CDKAL1: variants seen among roughly 807,000 people sequenced by gnomAD.
The protein encoded by CDKAL1 is threonylcarbamoyladenosine tRNA methylthiotransferase.
A neutral mutation model predicts 68.2 loss-of-function variants in CDKAL1; 32 were observed. The observed-to-expected ratio is 0.47, with a 90% CI of 0.35 to 0.63. The LOEUF (loss-of-function observed/expected upper bound fraction) is 0.63. Ranked by LOEUF, CDKAL1 falls within the 30% of genes least tolerant of loss-of-function variation. The probability of loss-of-function intolerance (pLI) is 0.00; values close to 1 mark genes in which losing one functional copy is unlikely to be tolerated. For missense variants in CDKAL1, 606 were observed against 696.7 expected, an observed-to-expected ratio of 0.87 and a Z score of 1.47; for synonymous variants, 234 against 244.3, an observed-to-expected ratio of 0.96 and a Z score of 0.39.
At chr6:20,728,354 C>T (rs1014682575) in intron 5 of CDKAL1, among the ~76,000 whole-genome samples, 2 of 152,056 alleles carry the variant, frequency 1.3e-5, no homozygotes, top group South Asian at 2.1e-4. Context: ...TGATTTTCAT[C>T]GTTTACTCCA....
chr6:20,541,269 C>A (rs573853387), intron 2 of CDKAL1, among the ~76,000 whole-genome samples: 6 of 152,302 alleles, frequency 3.9e-5, no homozygotes, highest in African/African-American at 9.6e-5. Context: ...CCACCTCAAA[C>A]TGATTTAAGC....
intron 8 of CDKAL1, among the ~76,000 whole-genome samples, chr6:20,843,826 G>A (rs1248009624): frequency 6.6e-6 from 1 of 152,158 alleles, no homozygotes; most frequent in Non-Finnish European, 1.5e-5. Flanking sequence ...ACAAATAAGG[G>A]AAAGGGATCA....
chr6:20,736,508 C>A (rs567447169), intron 5 of CDKAL1, among the ~76,000 whole-genome samples: 1 of 152,158 alleles, frequency 6.6e-6, no homozygotes, highest in East Asian at 1.9e-4. Context: ...CGGTGGCTCA[C>A]GCCTGTAATC....
In CDKAL1 at chr6:20,676,665, TTAAATAAATAAATAAA is replaced by T. The variant is rs146546357; in HGVS notation, c.371+27313_371+27328del. 6.4e-3 allele frequency among the ~76,000 whole-genome samples: 857 copies of T among 132,892 alleles called. 9 individuals carry two copies. Among genetic ancestry groups the T allele is most frequent in the African/African-American group, 0.026 (806 of 30,596 alleles). The allele number at this position is 132,892 out of a possible 152,430, so 87.2% of individuals were successfully genotyped here. Reference sequence around the variant, plus strand: ...CTGGGTGACAGAGCGAGACTCTGTCTTAAATAAATAAATAAATAAATAAATAAATAAATAAATAAAA... The same window carrying T: ...CTGGGTGACAGAGCGAGACTCTGTCTTAAATAAATAAATAAATAAATAAAA... On this transcript the variant is annotated intron_variant, in intron 5 of 15. Transcript: ENST00000274695.
intron 5 of CDKAL1, among the ~76,000 whole-genome samples, chr6:20,738,650 C>T (rs1462547084): frequency 2.0e-5 from 3 of 152,012 alleles, no homozygotes; most frequent in African/African-American, 7.3e-5. Flanking sequence ...AGACACGCCC[C>T]ACCATGCCTG....
chr6:20,764,458 C>A (rs552210985), intron 7 of CDKAL1, among the ~76,000 whole-genome samples: 102 of 152,314 alleles, frequency 6.7e-4, no homozygotes, highest in African/African-American at 2.4e-3. Flanking sequence ...TTGGTGCCAT[C>A]TTGCACTAGA....
intron 9 of CDKAL1, among the ~76,000 whole-genome samples, chr6:20,878,515 G>A (rs1338321026): frequency 6.6e-6 from 1 of 152,044 alleles, no homozygotes; most frequent in Non-Finnish European, 1.5e-5. Context: ...GGAGGCCGGC[G>A]GATCACTTGA....
intron 11 of CDKAL1, among the ~76,000 whole-genome samples, chr6:21,013,329 C>G (rs899155122): frequency 2.0e-5 from 3 of 151,976 alleles, no homozygotes; most frequent in Non-Finnish European, 4.4e-5. Context: ...TCTTTCTCTT[C>G]TCTTTTCAAG....
intron 8 of CDKAL1, among the ~76,000 whole-genome samples, chr6:20,830,205 C>A (rs940128512): frequency 2.0e-5 from 3 of 152,138 alleles, no homozygotes; most frequent in Non-Finnish European, 2.9e-5. Flanking sequence ...ATGATCATAG[C>A]TGAGCCTTTT....
At chr6:21,047,511 A>G (rs748163353) in intron 11 of CDKAL1, among the ~76,000 whole-genome samples, 2 of 152,156 alleles carry the variant, frequency 1.3e-5, no homozygotes, top group Non-Finnish European at 2.9e-5. Context: ...TATTAAATTC[A>G]TGTATTCGTC....
At chr6:21,089,611 A>G (rs1772891966) in intron 12 of CDKAL1, among the ~76,000 whole-genome samples, 3 of 152,232 alleles carry the variant, frequency 2.0e-5, no homozygotes, top group Admixed American at 6.5e-5. Context: ...GTGAGTAAGG[A>G]GTAGCCTTGT....
intron 10 of CDKAL1, among the ~76,000 whole-genome samples, chr6:20,986,670 G>C (rs1766477200): frequency 6.6e-6 from 1 of 151,222 alleles, no homozygotes; most frequent in South Asian, 2.1e-4. Flanking sequence ...AAAGTAAATA[G>C]AGAATCATTA....
intron 11 of CDKAL1, among the ~76,000 whole-genome samples, chr6:21,017,714 T>C (rs2150854084): frequency 6.6e-6 from 1 of 152,316 alleles, no homozygotes; most frequent in Non-Finnish European, 1.5e-5. Flanking sequence ...ATTTCATTGT[T>C]ATTATTATTA....
chr6:20,821,345 TA>T (rs1331267772), intron 8 of CDKAL1, among the ~76,000 whole-genome samples: 2 of 152,062 alleles, frequency 1.3e-5, no homozygotes, highest in Non-Finnish European at 2.9e-5. Context: ...AACAGCATCC[TA>T]GGGTAAGCCC....
chr6:20,583,214 G>A (rs746389482), intron 4 of CDKAL1, among the ~76,000 whole-genome samples: 2 of 152,098 alleles, frequency 1.3e-5, no homozygotes, highest in Non-Finnish European at 2.9e-5. Context: ...TTGCCTTGCC[G>A]TGAAGTGTAC....
chr6:20,757,269 G>A (rs72832323), intron 6 of CDKAL1, among the ~76,000 whole-genome samples: 11,786 of 151,912 alleles, frequency 0.078, 773 homozygotes, highest in East Asian at 0.34. Context: ...TTTTAAACAG[G>A]TTCCTCTTGT....
chr6:20,923,750 C>G (rs933086985), intron 9 of CDKAL1, among the ~76,000 whole-genome samples: 1 of 152,200 alleles, frequency 6.6e-6, no homozygotes, highest in Non-Finnish European at 1.5e-5. Context: ...TGGCGGCACA[C>G]GCCTGTAATC....
intron 13 of CDKAL1, among the ~76,000 whole-genome samples, chr6:21,170,965 G>A (rs1353345168): frequency 2.6e-5 from 4 of 152,048 alleles, no homozygotes; most frequent in Non-Finnish European, 4.4e-5. Context: ...CCATCACCAC[G>A]CAGGGAACAG....
rs565836920 is a variant in CDKAL1 at position 20,976,753 on chromosome 6, A to T, written c.909+21168A>T. On this transcript the variant is annotated intron_variant, in intron 10 of 15. Transcript: ENST00000274695. ...TCTCGAATTTCATGTAAATGGATTC[A>T]TACAGTATGTACTCTTTTGAATTTG... Among the ~76,000 whole-genome samples, 5 of 152,350 alleles carry T rather than the reference A, an allele frequency of 3.3e-5. No homozygotes were observed. In the South Asian group the frequency reaches 8.3e-4, roughly 25 times the overall value.
Sources: allele counts gnomAD v4.1 joint callset (sites outside exome capture counted in the v4.1 genomes callset), GRCh38; gene constraint gnomAD v4.1.1; transcripts MANE v1.5; gene names NCBI Gene and HGNC (gene_info 2026-07-23, HGNC 2026-07-21).